The following GRIK3 variants were observed in gnomAD, a reference collection of about 807,000 sequenced individuals.
GRIK3 encodes glutamate receptor ionotropic, kainate 3.
In GRIK3, 29 loss-of-function variants were observed where a neutral mutation model predicts 102.5. The ratio of observed to expected loss-of-function variants is 0.28; its 90% CI spans 0.21 to 0.39. GRIK3 has a LOEUF of 0.39. GRIK3 is among the 10% of genes least tolerant of loss of function. The pLI is 1.00. For synonymous variants in GRIK3, 511 were observed against 504.9 expected (o/e 1.01, Z -0.16); for missense variants, 908 against 1,252.4 (o/e 0.73, Z 4.15).
intron 2 of GRIK3, among the ~76,000 whole-genome samples, chr1:36,885,863 C>T (rs925527852): frequency 6.6e-6 from 1 of 152,236 alleles, no homozygotes; most frequent in African/African-American, 2.4e-5. Context: ...TTTACAGTAA[C>T]TCAATGGTTC....
chr1:36,872,465 C>T lies in GRIK3; in HGVS notation c.551-96G>A. The T allele has an allele frequency of 8.1e-6, 8 of 993,112 alleles. No homozygotes were observed. The highest frequency in any genetic ancestry group is 1.2e-5 in the Non-Finnish European group (8 of 677,572). The allele number at this position is 993,112 out of a possible 1,614,324, so 61.5% of individuals were successfully genotyped here. ...CTTGTGTGCACACACATGCCCATGG[C>T]CACAGGTCTGCAGACATACACGGGC... On this transcript the variant is annotated intron_variant, in intron 3 of 15. Coordinates refer to ENST00000373091, the MANE Select transcript of GRIK3 (RefSeq NM_000831.4). This position sits in a 1 kb window ranked among gnomAD's most constrained non-coding sequence, Gnocchi z 5.9.
intron 1 of GRIK3, among the ~76,000 whole-genome samples, chr1:36,982,524 A>T (rs1277153248): frequency 6.6e-6 from 1 of 152,234 alleles, no homozygotes; most frequent in Non-Finnish European, 1.5e-5. Context: ...GGGCCAAAAG[A>T]ATAGATGTGC....
At chr1:36,865,929 G>C (rs1038610955) in intron 5 of GRIK3, among the ~76,000 whole-genome samples, 1 of 152,198 alleles carries the variant, frequency 6.6e-6, no homozygotes, top group Non-Finnish European at 1.5e-5. Context: ...CCCTAGGCTG[G>C]AGTGCAGCGG....
At position 36,829,399 on chromosome 1, in the gene GRIK3, ATTGT is replaced by A. The variant is rs560518023; in HGVS notation, c.1531-3577_1531-3574del. 2.9e-3 allele frequency among the ~76,000 whole-genome samples: 431 copies of A among 151,088 alleles called. 6 individuals are homozygous for A. Among genetic ancestry groups the A allele is most frequent in the African/African-American group, 9.9e-3 (405 of 41,092 alleles). On this transcript the variant is annotated intron_variant, in intron 10 of 15. Coordinates refer to ENST00000373091, the MANE Select transcript of GRIK3 (RefSeq NM_000831.4). Reference sequence around the variant, plus strand: ...CATCTATTCCAACCCCATGGTTTTTATTGTTTTTTGTTTTTTTTTTTTAACAGAA... The same window carrying A: ...CATCTATTCCAACCCCATGGTTTTTATTTTTGTTTTTTTTTTTTAACAGAA...
chr1:36,920,584 G>A (rs919825402), intron 1 of GRIK3, among the ~76,000 whole-genome samples: 1 of 152,144 alleles, frequency 6.6e-6, no homozygotes, highest in Non-Finnish European at 1.5e-5. Flanking sequence ...CATTGGCTCT[G>A]GCCTCTTGTG....
intron 1 of GRIK3, among the ~76,000 whole-genome samples, chr1:36,944,447 G>T (rs929882246): frequency 1.3e-5 from 2 of 152,104 alleles, no homozygotes; most frequent in African/African-American, 4.8e-5. Flanking sequence ...GAGGAAGCAG[G>T]AAATTGAGAG....
At chr1:37,011,932 C>T (rs898218274) in intron 1 of GRIK3, among the ~76,000 whole-genome samples, 3 of 152,072 alleles carry the variant, frequency 2.0e-5, no homozygotes, top group Non-Finnish European at 2.9e-5. Context: ...TTTGGGGGGA[C>T]GTGGGCAGAT....
chr1:36,911,152 G>A (rs1362214589), intron 1 of GRIK3, among the ~76,000 whole-genome samples: 1 of 152,088 alleles, frequency 6.6e-6, no homozygotes, highest in East Asian at 1.9e-4. Flanking sequence ...CCGGAGGGGA[G>A]CTGCGTGGTT....
At chr1:37,016,622 T>C (rs1273186928) in intron 1 of GRIK3, among the ~76,000 whole-genome samples, 1 of 152,162 alleles carries the variant, frequency 6.6e-6, no homozygotes, top group Non-Finnish European at 1.5e-5. Flanking sequence ...TTACTTTTCC[T>C]TCTTAACTTT....
At chr1:36,841,657 C>A in intron 10 of GRIK3, 79 bp downstream of exon 10, 1 of 1,266,324 alleles carries the variant, frequency 7.9e-7, no homozygotes, top group South Asian at 1.2e-5. Context: ...TGCCAGGCTG[C>A]CCAGCCCTGT....
intron 1 of GRIK3, among the ~76,000 whole-genome samples, chr1:37,031,962 C>T (rs1341154146): frequency 3.3e-5 from 5 of 152,178 alleles, no homozygotes; most frequent in African/African-American, 1.2e-4. Context: ...TTGGCGCAGG[C>T]ACAACACCCC....
At chr1:37,031,314 C>CA (rs1232915582) in intron 1 of GRIK3, among the ~76,000 whole-genome samples, 1 of 152,200 alleles carries the variant, frequency 6.6e-6, no homozygotes, top group Non-Finnish European at 1.5e-5. Context: ...TTGTTACTTG[C>CA]AAACCATCCA....
intron 7 of GRIK3, among the ~76,000 whole-genome samples, chr1:36,857,941 C>T (rs2124237137): frequency 6.6e-6 from 1 of 152,368 alleles, no homozygotes. Flanking sequence ...CAGGGCATAG[C>T]TAGGAGCCTG....
Position 36,841,893 on chromosome 1 carries a change from C to T in GRIK3, c.1373G>A (p.Gly458Glu), listed in dbSNP as rs771484740. Residue 458 changes from glycine to glutamate, a missense_variant, in exon 10 of 16, where the codon GGG (glycine) becomes GAG (glutamate). Gly to Glu is a moderately conservative substitution (Grantham distance 98, BLOSUM62 -2). Transcript: ENST00000373091. The stretch of plus-strand genomic sequence containing the variant: ...GCAGTAGCCCTCGAACCGGTCATTC[C>T]CGTATAGCGTCCTGTCTGATTTCCG... ...MFRKSDRTLY[G>E]NDRFEGYCID... 2 of 1,614,182 alleles carry T rather than the reference C, an allele frequency of 1.2e-6. No individual in the cohort carries two copies. The highest frequency in any genetic ancestry group is 1.7e-5 in the Admixed American group (1 of 60,030).
chr1:36,957,433 GTGCTCTGTGAGTC>G (rs1641927491), intron 1 of GRIK3, among the ~76,000 whole-genome samples: 2 of 98,020 alleles, frequency 2.0e-5, no homozygotes, highest in African/African-American at 3.8e-5. Context: ...ATGAGCCTCT[GTGCTCTGTGAGTC>G]TGTGCCCTGT....
chr1:36,798,977 C>T lies in GRIK3; in HGVS notation c.*2874G>A, dbSNP rs1642401592. On this transcript the variant is annotated 3_prime_UTR_variant, in exon 16 of 16. Transcript: ENST00000373091. ...ATGCATAGCCTCTGAAGAACATGCT[C>T]ATGTAGCATCACACACACAACACAT... 1 of 152,236 alleles carries T rather than the reference C, an allele frequency of 6.6e-6. No individual in the cohort carries two copies. Among genetic ancestry groups the T allele is most frequent in the Non-Finnish European group, 1.5e-5 (1 of 68,048 alleles). The allele number at this position is 152,236 out of a possible 1,614,324, so 9.4% of individuals were successfully genotyped here.
At chr1:36,921,641 C>T (rs987592105) in intron 1 of GRIK3, among the ~76,000 whole-genome samples, 4 of 151,960 alleles carry the variant, frequency 2.6e-5, no homozygotes, top group African/African-American at 9.7e-5. Context: ...TTTTAACATC[C>T]CTGAAATTGA....
chr1:36,927,689 G>T (rs552553259), intron 1 of GRIK3, among the ~76,000 whole-genome samples: 10 of 152,118 alleles, frequency 6.6e-5, no homozygotes, highest in Non-Finnish European at 7.4e-5. Context: ...AGCCTCTGTC[G>T]GCCAATTCAT....
chr1:36,910,831 T>C (rs1641336408), intron 1 of GRIK3, among the ~76,000 whole-genome samples: 1 of 152,126 alleles, frequency 6.6e-6, no homozygotes, highest in Non-Finnish European at 1.5e-5. Context: ...ACTAGGTGAG[T>C]CAGTGAGAGA....
Sources: gnomAD v4.1 joint callset for allele counts (sites outside exome capture counted in the v4.1 genomes callset) on GRCh38, gnomAD v4.1.1 for gene constraint, Gnocchi (gnomAD v3.1) non-coding constraint, MANE v1.5 for transcripts, NCBI Gene and HGNC (gene_info 2026-07-23, HGNC 2026-07-21) for gene names.